BPIFB1: variants seen among roughly 807,000 people sequenced by gnomAD.
The protein encoded by BPIFB1 is BPI fold containing family B member 1.
A neutral mutation model predicts 55.1 loss-of-function variants in BPIFB1; 34 were observed. That is an observed-to-expected ratio of 0.62 (90% CI 0.47 to 0.82). The LOEUF is 0.82. BPIFB1 is among the 40% of genes least tolerant of loss of function. The pLI, the probability that BPIFB1 is intolerant of heterozygous loss-of-function variation, is 0.00. For missense variants in BPIFB1, 532 were observed against 593.1 expected (o/e 0.90, Z 1.07); for synonymous variants, 236 against 245.3 (o/e 0.96, Z 0.35).
chr20:33,286,283 T>A (rs979166610), intron 2 of BPIFB1, 95 bp downstream of exon 2: 135 of 1,075,548 alleles, frequency 1.3e-4, no homozygotes, highest in Non-Finnish European at 1.5e-4. Flanking sequence ...TCACGGGGGA[T>A]GTGCATGGCT....
chr20:33,304,832 A>G lies in BPIFB1; in HGVS notation c.1209-14A>G, dbSNP rs911448771. 1 of 1,614,216 alleles carries G rather than the reference A, an allele frequency of 6.2e-7. No homozygotes were observed. Among genetic ancestry groups the G allele is most frequent in the Non-Finnish European group, 8.5e-7 (1 of 1,180,018 alleles). ...GACTTCAGGGGCCGCTCTCACAGGC[A>G]TCTTCCATTGCAGCTCTGATCGGAT... On this transcript the variant is annotated splice_polypyrimidine_tract_variant and intron_variant, in intron 12 of 15. Transcript: ENST00000253354.
intron 5 of BPIFB1, among the ~76,000 whole-genome samples, chr20:33,291,682 C>G (rs1980477069): frequency 6.6e-6 from 1 of 152,206 alleles, no homozygotes; most frequent in South Asian, 2.1e-4. Context: ...ATCCCAATGC[C>G]CAGCATAAAG....
At chr20:33,291,822 A>T in intron 5 of BPIFB1, 85 bp from the exon 6 acceptor site, 1 of 1,299,208 alleles carries the variant, frequency 7.7e-7, no homozygotes, top group Non-Finnish European at 1.1e-6. Context: ...CCTCCCTTAG[A>T]CTCAGCCTCC....
rs1349321994 is a variant in BPIFB1 at position 33,286,158 on chromosome 20, C to A, written c.85C>A (p.Leu29Ile). Residue 29 changes from leucine (L) to isoleucine (I), a missense_variant, in exon 2 of 16, where the codon CTC (leucine) becomes ATC (isoleucine). By Grantham distance (5) the Leu-to-Ile change is conservative. Transcript: ENST00000253354. ...AGCCACCCTCAGTCCCACTGCAGTT[C>A]TCATCCTCGGCCCAAAAGTCATCAA... ...IQATLSPTAVLILGPKVIKEK... is the reference protein window; with the variant it reads ...IQATLSPTAVIILGPKVIKEK... The A allele has an allele frequency of 2.5e-6, 4 of 1,614,210 alleles. No individual in the cohort carries two copies. The highest frequency in any genetic ancestry group is 3.4e-6 in the Non-Finnish European group (4 of 1,180,032).
At chr20:33,305,862 C>T in intron 13 of BPIFB1, 140 bp from the exon 14 acceptor site, 1 of 938,650 alleles carries the variant, frequency 1.1e-6, no homozygotes, top group Non-Finnish European at 1.7e-6. Context: ...GCCCCCACAG[C>T]TCTGATCAGC....
rs192843740 is a variant in BPIFB1 at position 33,299,705 on chromosome 20, C to G, written c.662-194C>G. Reference sequence around the variant, plus strand: ...GATGAACCAGCTGACATGCAGAGGCCTGGCACTTAGTGGATGCTCGATAAA... The same window carrying G: ...GATGAACCAGCTGACATGCAGAGGCGTGGCACTTAGTGGATGCTCGATAAA... On this transcript the variant is annotated intron_variant, in intron 7 of 15. Transcript: ENST00000253354. Among the ~76,000 whole-genome samples the G allele has an allele frequency of 2.7e-3, 416 of 152,298 alleles. 6 individuals carry two copies. Among genetic ancestry groups the G allele is most frequent in the Non-Finnish European group, 4.4e-3 (296 of 68,024 alleles).
intron 3 of BPIFB1, among the ~76,000 whole-genome samples, 172 bp from the exon 4 acceptor site, chr20:33,289,713 C>A (rs1246533848): frequency 6.6e-6 from 1 of 152,034 alleles, no homozygotes; most frequent in Non-Finnish European, 1.5e-5. Flanking sequence ...GCATTGTGAG[C>A]AGGAGTGGAG....
chr20:33,292,336 G>C (rs374154479), intron 6 of BPIFB1, among the ~76,000 whole-genome samples: 1 of 152,162 alleles, frequency 6.6e-6, no homozygotes, highest in Admixed American at 6.5e-5. Context: ...AATTTTAGGC[G>C]ACCAGTGTGA....
At chr20:33,292,237 C>T (rs557287963) in intron 6 of BPIFB1, among the ~76,000 whole-genome samples, 3 of 152,282 alleles carry the variant, frequency 2.0e-5, no homozygotes, top group Non-Finnish European at 4.4e-5. Context: ...AAATTTTTAG[C>T]AATTGTCTCT....
In BPIFB1 at chr20:33,305,987, TTCTC is replaced by T. The variant is rs372399478; in HGVS notation, c.1255-8_1255-5del. 35 of 1,613,836 alleles carry T rather than the reference TTCTC, an allele frequency of 2.2e-5. 1 individual carries two copies. In the East Asian group the frequency reaches 7.4e-4, roughly 34 times the overall value. On this transcript the variant is annotated splice_polypyrimidine_tract_variant and intron_variant, in intron 13 of 15. Coordinates refer to ENST00000253354, the MANE Select transcript of BPIFB1 (RefSeq NM_033197.3). ...TGCTCAACCAGGGTGACAGTGCCCCTTCTCTCTCTCACAGCCTGATGTTCTGAAA... is the reference window on the plus strand; with the variant it reads ...TGCTCAACCAGGGTGACAGTGCCCCTTCTCTCACAGCCTGATGTTCTGAAA...
rs75933876 is a variant in BPIFB1, at chr20:33,302,615, C to T, written c.981+203C>T. 64 of 664,068 alleles carry T rather than the reference C, an allele frequency of 9.6e-5. 1 individual carries two copies. In the South Asian group the frequency reaches 1.1e-3, roughly 12 times the overall value. 41.1% of individuals were successfully genotyped at this position (664,068 alleles called of 1,614,324 possible). A position where few individuals can be genotyped will look rare whatever the true frequency, so the allele number is the denominator to read the frequency against. ...CACATGGATAGTATTTCCATTACAGCTGCAGTAACACAGGACAGGTTCTAG... is the reference window on the plus strand; with the variant it reads ...CACATGGATAGTATTTCCATTACAGTTGCAGTAACACAGGACAGGTTCTAG... On this transcript the variant is annotated intron_variant, in intron 10 of 15. Coordinates refer to ENST00000253354, the MANE Select transcript of BPIFB1 (RefSeq NM_033197.3).
intron 8 of BPIFB1, 93 bp from the exon 9 acceptor site, chr20:33,301,140 A>C (rs528206567): frequency 2.3e-6 from 3 of 1,302,888 alleles, no homozygotes; most frequent in South Asian, 1.4e-5. Flanking sequence ...CACAAAAAGG[A>C]AACAGGCTGA....
At chr20:33,307,412 G>A (rs1981068203) in intron 15 of BPIFB1, 1 of 164,042 alleles carries the variant, frequency 6.1e-6, no homozygotes, top group African/African-American at 2.4e-5. Flanking sequence ...GTGGAGGAAG[G>A]CTGAGAAGAA....
At chr20:33,284,508 C>A (rs965432907) in intron 1 of BPIFB1, among the ~76,000 whole-genome samples, 1 of 152,174 alleles carries the variant, frequency 6.6e-6, no homozygotes, top group Non-Finnish European at 1.5e-5. Flanking sequence ...GAGCTCACAG[C>A]TTGGTCAGGG....
At chr20:33,287,438 A>G (rs1331387872) in intron 2 of BPIFB1, among the ~76,000 whole-genome samples, 1 of 152,244 alleles carries the variant, frequency 6.6e-6, no homozygotes, top group Admixed American at 6.5e-5. Flanking sequence ...AGTTTAATGT[A>G]AAGAAGTATT....
chr20:33,300,262 A>C (rs1600667744), intron 8 of BPIFB1, among the ~76,000 whole-genome samples: 1 of 152,192 alleles, frequency 6.6e-6, no homozygotes, highest in Non-Finnish European at 1.5e-5. Context: ...AGTCCCTGCC[A>C]ATCCCCAAAC....
chr20:33,284,570 C>T (rs932666141), intron 1 of BPIFB1, among the ~76,000 whole-genome samples: 4 of 152,156 alleles, frequency 2.6e-5, no homozygotes, highest in African/African-American at 9.7e-5. Flanking sequence ...TCACACTGCT[C>T]CAGGGCACAG....
intron 7 of BPIFB1, chr20:33,298,787 C>T (rs1441755266): frequency 9.7e-6 from 1 of 103,158 alleles, no homozygotes; most frequent in East Asian, 4.0e-4. Flanking sequence ...CGTTTCTTTC[C>T]TTTTTTCTTT....
At chr20:33,305,256 C>T (rs528109639) in intron 13 of BPIFB1, among the ~76,000 whole-genome samples, 1 of 151,840 alleles carries the variant, frequency 6.6e-6, no homozygotes, top group Non-Finnish European at 1.5e-5. Context: ...GACCGAACCC[C>T]AATACCTCAG....
Sources: gnomAD v4.1 joint callset for allele counts (sites outside exome capture counted in the v4.1 genomes callset) on GRCh38, gnomAD v4.1.1 for gene constraint, MANE v1.5 for transcripts, NCBI Gene and HGNC (gene_info 2026-07-23, HGNC 2026-07-21) for gene names.